The following OR1F1 variants were observed in gnomAD, a reference collection of about 807,000 sequenced individuals.
OR1F1 encodes olfactory receptor 1F1.
For synonymous variants in OR1F1, 184 were observed against 156.7 expected (o/e 1.17, Z -1.30); for missense variants, 493 against 376.3 (o/e 1.31, Z -2.57).
chr16:3,190,749 TAAA>T, the OR1F1 span, among the ~76,000 whole-genome samples: 1 of 92,232 alleles, frequency 1.1e-5, no homozygotes, highest in Non-Finnish European at 2.1e-5. Context: ...AGACTCTATC[TAAA>T]AAAAAAAAAA....
chr16:3,199,042 G>T, the OR1F1 span, among the ~76,000 whole-genome samples: 2 of 145,140 alleles, frequency 1.4e-5, no homozygotes, highest in African/African-American at 5.2e-5. Context: ...ACTTTGAGAG[G>T]CCAGGGCAGG....
the OR1F1 span, among the ~76,000 whole-genome samples, chr16:3,195,497 T>C: frequency 6.6e-6 from 1 of 151,884 alleles, no homozygotes; most frequent in Non-Finnish European, 1.5e-5. Flanking sequence ...CTGGCTAACA[T>C]GGTGAAACCC....
At chr16:3,191,095 T>C in the OR1F1 span, 1 of 152,206 alleles carries the variant, frequency 6.6e-6, no homozygotes. Flanking sequence ...AGACATTCTG[T>C]CTGCAGCTCC....
chr16:3,198,851 G>C, the OR1F1 span, among the ~76,000 whole-genome samples: 6 of 152,070 alleles, frequency 3.9e-5, no homozygotes, highest in East Asian at 3.9e-4. Context: ...AGCTGGGCTT[G>C]GAGGCTGTGA....
At chr16:3,192,458 G>A in the OR1F1 span, among the ~76,000 whole-genome samples, 1 of 152,230 alleles carries the variant, frequency 6.6e-6, no homozygotes, top group Admixed American at 6.5e-5. Flanking sequence ...TAAAGTTACT[G>A]GGGGAATTTA....
upstream of OR1F1, among the ~76,000 whole-genome samples, chr16:3,199,575 C>G (rs1218470174): frequency 6.6e-6 from 1 of 152,048 alleles, no homozygotes; most frequent in Non-Finnish European, 1.5e-5. Context: ...AAGCGGGCCT[C>G]CCACCTTGGC....
chr16:3,195,170 C>T, the OR1F1 span, among the ~76,000 whole-genome samples: 1,551 of 152,332 alleles, frequency 0.01, 26 homozygotes, highest in African/African-American at 0.035. Context: ...CCCTGCGCCT[C>T]CGGCGCTCTC....
At chr16:3,200,912 C>T (rs1462974374), upstream of OR1F1, among the ~76,000 whole-genome samples, 1 of 152,170 alleles carries the variant, frequency 6.6e-6, no homozygotes, top group African/African-American at 2.4e-5. Flanking sequence ...GCAATAATCA[C>T]CATTATCTGT....
chr16:3,189,274 T>G, the OR1F1 span, among the ~76,000 whole-genome samples: 1 of 152,156 alleles, frequency 6.6e-6, no homozygotes, highest in Non-Finnish European at 1.5e-5. Flanking sequence ...TGATCGAGGC[T>G]CGCAGACCCT....
upstream of OR1F1, chr16:3,204,133 T>C: frequency 1.4e-6 from 1 of 734,838 alleles, no homozygotes. Context: ...TATTATCATT[T>C]ACATCCTGCA....
chr16:3,199,172 A>G, the OR1F1 span, among the ~76,000 whole-genome samples: 34 of 144,946 alleles, frequency 2.3e-4, no homozygotes, highest in African/African-American at 7.9e-4. Flanking sequence ...ACATAGTGGC[A>G]TGTGTCTGTA....
At chr16:3,202,705 TAAC>T (rs1276458488), upstream of OR1F1, among the ~76,000 whole-genome samples, 2 of 134,186 alleles carry the variant, frequency 1.5e-5, no homozygotes, top group Non-Finnish European at 3.1e-5. Flanking sequence ...ATAATAATAA[TAAC>T]AATTTAATAT....
the OR1F1 span, among the ~76,000 whole-genome samples, chr16:3,199,234 T>A: frequency 6.6e-6 from 1 of 150,602 alleles, no homozygotes; most frequent in East Asian, 2.0e-4. Context: ...GCCTGGAAGG[T>A]TGAGACTTCA....
chr16:3,192,369 C>G, the OR1F1 span, among the ~76,000 whole-genome samples: 2 of 152,226 alleles, frequency 1.3e-5, no homozygotes, highest in Non-Finnish European at 2.9e-5. Context: ...CATGCACTTT[C>G]AAGGGCTCAA....
chr16:3,205,117 A>G (rs1958189828), exon 1 of OR1F1: 2 of 1,613,902 alleles, frequency 1.2e-6, no homozygotes, highest in Non-Finnish European at 1.7e-6. Flanking sequence ...TTTCATCTAC[A>G]GCCTGAGGAA....
chr16:3,193,276 T>A, the OR1F1 span, among the ~76,000 whole-genome samples: 1 of 152,184 alleles, frequency 6.6e-6, no homozygotes, highest in Admixed American at 6.5e-5. Context: ...CTGACCTTTA[T>A]TAAACACAGT....
chr16:3,192,033 G>A, the OR1F1 span, among the ~76,000 whole-genome samples: 6 of 152,122 alleles, frequency 3.9e-5, no homozygotes, highest in Admixed American at 6.5e-5. Context: ...GATGCGAGAG[G>A]TCCCGGGTTC....
At chr16:3,199,413 T>C (rs2141587819), upstream of OR1F1, among the ~76,000 whole-genome samples, 1 of 151,924 alleles carries the variant, frequency 6.6e-6, no homozygotes. Flanking sequence ...GAGGCTGAGG[T>C]AAGAGGATTG....
At chr16:3,188,700 G>T in the OR1F1 span, among the ~76,000 whole-genome samples, 9 of 152,112 alleles carry the variant, frequency 5.9e-5, no homozygotes, top group African/African-American at 2.2e-4. Flanking sequence ...TCGCGGCTTT[G>T]ATCTGGAGGG....
Sources: allele counts gnomAD v4.1 joint callset (sites outside exome capture counted in the v4.1 genomes callset), GRCh38; gene constraint gnomAD v4.1.1; transcripts MANE v1.5; gene names NCBI Gene and HGNC (gene_info 2026-07-23, HGNC 2026-07-21).